Variants in BPIFC observed in about 807,000 individuals in gnomAD.
BPIFC encodes BPI fold-containing family C protein.
In BPIFC, 60 loss-of-function variants were observed where a neutral mutation model predicts 57.6. The ratio of observed to expected loss-of-function variants is 1.04; its 90% CI spans 0.85 to 1.29. The LOEUF (loss-of-function observed/expected upper bound fraction) is 1.29, where lower values mean the gene tolerates loss of function less well. Among genes scored for constraint, BPIFC ranks in the 50% most tolerant of loss-of-function variants. The pLI is 0.00. For missense variants in BPIFC, 581 were observed against 600.5 expected, an observed-to-expected ratio of 0.97 and a Z score of 0.34; for synonymous variants, 243 against 224.5, an observed-to-expected ratio of 1.08 and a Z score of -0.74.
chr22:32,454,301 C>T (rs1424572378), intron 3 of BPIFC, among the ~76,000 whole-genome samples: 1 of 152,182 alleles, frequency 6.6e-6, no homozygotes, highest in Non-Finnish European at 1.5e-5. Context: ...GTAGGAAACT[C>T]CTGAACTACA....
intron 7 of BPIFC, among the ~76,000 whole-genome samples, chr22:32,444,406 T>G (rs1934654851): frequency 6.6e-6 from 1 of 152,170 alleles, no homozygotes. Flanking sequence ...GCACCTATAA[T>G]GTCTGTCAAG....
intron 8 of BPIFC, among the ~76,000 whole-genome samples, chr22:32,441,434 GA>G: frequency 6.6e-6 from 1 of 152,172 alleles, no homozygotes. Context: ...TGTTGCCTGG[GA>G]ATACTGCTGC....
At chr22:32,418,350 C>G (rs1933743986) in intron 14 of BPIFC, among the ~76,000 whole-genome samples, 1 of 152,184 alleles carries the variant, frequency 6.6e-6, no homozygotes, top group Non-Finnish European at 1.5e-5. Context: ...TAAGCACAGT[C>G]ACACACACTC....
At chr22:32,436,387 AGGAGG>A (rs1934400029) in intron 9 of BPIFC, among the ~76,000 whole-genome samples, 1 of 145,516 alleles carries the variant, frequency 6.9e-6, no homozygotes. Context: ...GAAGAGGAGG[AGGAGG>A]AAGAGGAGGA....
chr22:32,464,041 C>A (rs1568964794), intron 1 of BPIFC, among the ~76,000 whole-genome samples: 1 of 152,122 alleles, frequency 6.6e-6, no homozygotes. Context: ...TGCTGGGTTC[C>A]CCTCTGAAAT....
chr22:32,418,155 G>T (rs979914865), intron 14 of BPIFC, among the ~76,000 whole-genome samples: 3 of 152,288 alleles, frequency 2.0e-5, no homozygotes, highest in Non-Finnish European at 2.9e-5. Context: ...CTTCTATGTG[G>T]TCAGTGTGCT....
At chr22:32,430,723 C>T (rs1181349160) in intron 13 of BPIFC, among the ~76,000 whole-genome samples, 1 of 151,824 alleles carries the variant, frequency 6.6e-6, no homozygotes, top group Non-Finnish European at 1.5e-5. Flanking sequence ...TCACTGTAAT[C>T]TCAAACTCCT....
chr22:32,457,201 G>A, intron 3 of BPIFC, 62 bp downstream of exon 3: 1 of 1,549,184 alleles, frequency 6.5e-7, no homozygotes, highest in Non-Finnish European at 8.7e-7. Flanking sequence ...GAGCTGTTCA[G>A]TTTGGGTCAC....
At chr22:32,436,543 C>T (rs1371506062) in intron 9 of BPIFC, among the ~76,000 whole-genome samples, 1 of 152,168 alleles carries the variant, frequency 6.6e-6, no homozygotes, top group African/African-American at 2.4e-5. Context: ...CTTTCTGACT[C>T]CTTGACCAGT....
chr22:32,454,985 A>G (rs1457959667), intron 3 of BPIFC, among the ~76,000 whole-genome samples: 1 of 150,832 alleles, frequency 6.6e-6, no homozygotes, highest in African/African-American at 2.4e-5. Flanking sequence ...CGCTTTACGT[A>G]TGTTAATTCA....
chr22:32,417,838 C>T (rs1161859092), intron 14 of BPIFC, among the ~76,000 whole-genome samples: 5 of 152,230 alleles, frequency 3.3e-5, no homozygotes, highest in African/African-American at 1.2e-4. Context: ...CTATTGCCAT[C>T]CCCAGAACAC....
At chr22:32,424,352 C>T (rs1364962158) in intron 13 of BPIFC, among the ~76,000 whole-genome samples, 1 of 152,102 alleles carries the variant, frequency 6.6e-6, no homozygotes, top group African/African-American at 2.4e-5. Context: ...CTTTCTTCAC[C>T]ATTTTCTCCC....
At chr22:32,423,103 C>T (rs1434653061) in intron 13 of BPIFC, among the ~76,000 whole-genome samples, 1 of 152,098 alleles carries the variant, frequency 6.6e-6, no homozygotes, top group Non-Finnish European at 1.5e-5. Flanking sequence ...TTTTAGTGAG[C>T]TTAGGAAGAT....
chr22:32,442,426 T>C (rs915184839), intron 8 of BPIFC, among the ~76,000 whole-genome samples: 1 of 152,172 alleles, frequency 6.6e-6, no homozygotes, highest in Non-Finnish European at 1.5e-5. Flanking sequence ...GTTTAGTTCC[T>C]GAACCTACAT....
At chr22:32,456,549 G>A (rs781682440) in intron 3 of BPIFC, among the ~76,000 whole-genome samples, 4 of 150,224 alleles carry the variant, frequency 2.7e-5, no homozygotes, top group Non-Finnish European at 4.4e-5. Flanking sequence ...GGTTAGACTA[G>A]CAGTGCTTAG....
At chr22:32,449,116 T>C (rs1453832154) in intron 4 of BPIFC, among the ~76,000 whole-genome samples, 2 of 152,180 alleles carry the variant, frequency 1.3e-5, no homozygotes, top group African/African-American at 4.8e-5. Flanking sequence ...GCTGAAGTCA[T>C]ATATAAGTGG....
rs543967473 is a variant in BPIFC, at chr22:32,442,611, C to T, written c.655+60G>A. On this transcript the variant is annotated intron_variant, in intron 8 of 16. Transcript: ENST00000300399. ...TACCGCCTTGAAAAGCAAACCCAGG[C>T]AGTACCAGCTTTTGAAGGTAGGAAG... The T allele has an allele frequency of 1.7e-4, 260 of 1,528,592 alleles. 2 individuals carry two copies. In the East Asian group the frequency reaches 5.6e-3, roughly 33 times the overall value. 94.7% of individuals were successfully genotyped at this position (1,528,592 alleles called of 1,614,324 possible).
chr22:32,438,741 A>T (rs1324161238), intron 8 of BPIFC, among the ~76,000 whole-genome samples: 2 of 152,144 alleles, frequency 1.3e-5, no homozygotes, highest in Non-Finnish European at 2.9e-5. Context: ...CAAAACTCAT[A>T]TCAATATTTA....
chr22:32,439,063 C>T (rs139502195), intron 8 of BPIFC, among the ~76,000 whole-genome samples: 237 of 152,156 alleles, frequency 1.6e-3, no homozygotes, highest in African/African-American at 5.4e-3. Flanking sequence ...TGGTGGGTCA[C>T]GCCTGTAATC....
Sources: gnomAD v4.1 joint callset for allele counts (sites outside exome capture counted in the v4.1 genomes callset) on GRCh38, gnomAD v4.1.1 for gene constraint, MANE v1.5 for transcripts, NCBI Gene and HGNC (gene_info 2026-07-23, HGNC 2026-07-21) for gene names.